The following TMEM272 variants were observed in gnomAD, a reference collection of about 807,000 sequenced individuals.
The protein encoded by TMEM272 is transmembrane protein 272.
Under a neutral mutation model 3.7 loss-of-function variants are expected in TMEM272, and 8 were observed. The observed-to-expected ratio is 2.17, with a 90% CI of 1.27 to 3.91. The LOEUF is 3.91. Among genes scored for constraint, TMEM272 ranks in the 30% most tolerant of loss-of-function variants. TMEM272 has a pLI of 0.00. For missense variants in TMEM272, 166 were observed against 91.5 expected (o/e 1.81, Z -3.32); for synonymous variants, 63 against 39.8 (o/e 1.58, Z -2.20).
At chr13:51,910,034 T>C in the TMEM272 span, 2 of 1,446,808 alleles carry the variant, frequency 1.4e-6, no homozygotes, top group Non-Finnish European at 1.9e-6. Context: ...TCATTTGAAA[T>C]CCCTTGAAGG....
chr13:51,854,670 T>A, the TMEM272 span, among the ~76,000 whole-genome samples: 1 of 152,234 alleles, frequency 6.6e-6, no homozygotes, highest in African/African-American at 2.4e-5. Flanking sequence ...TCTATGCACT[T>A]CCTTCTTCAT....
intron 2 of TMEM272, among the ~76,000 whole-genome samples, chr13:51,829,919 A>G (rs1956158810): frequency 6.6e-6 from 1 of 152,202 alleles, no homozygotes; most frequent in Non-Finnish European, 1.5e-5. Flanking sequence ...GTGGGAAACA[A>G]AAGCCCCACA....
At chr13:51,866,409 G>C in the TMEM272 span, among the ~76,000 whole-genome samples, 1 of 152,146 alleles carries the variant, frequency 6.6e-6, no homozygotes, top group Non-Finnish European at 1.5e-5. Flanking sequence ...GGGAGGAGAG[G>C]CTCGGGCCAT....
chr13:51,924,309 CT>C, the TMEM272 span, among the ~76,000 whole-genome samples: 1 of 152,210 alleles, frequency 6.6e-6, no homozygotes, highest in African/African-American at 2.4e-5. Flanking sequence ...AATCCCAACT[CT>C]TTGGGAGGCC....
the TMEM272 span, among the ~76,000 whole-genome samples, chr13:51,895,103 T>C: frequency 1.3e-4 from 20 of 152,294 alleles, no homozygotes; most frequent in African/African-American, 4.3e-4. Context: ...TATATACAGA[T>C]GAAGCTTCGC....
chr13:51,821,301 G>T (rs1956076483), intron 4 of TMEM272, among the ~76,000 whole-genome samples: 1 of 152,230 alleles, frequency 6.6e-6, no homozygotes, highest in Admixed American at 6.5e-5. Context: ...GGGAAGAGTT[G>T]TTGATAGACA....
intron 4 of TMEM272, among the ~76,000 whole-genome samples, chr13:51,819,686 C>G (rs1956062702): frequency 6.6e-6 from 1 of 152,168 alleles, no homozygotes; most frequent in Non-Finnish European, 1.5e-5. Flanking sequence ...AAGCAAGTAC[C>G]TGCCTCAAAG....
intron 1 of TMEM272, among the ~76,000 whole-genome samples, chr13:51,843,499 G>A (rs1396936853): frequency 6.6e-6 from 1 of 152,192 alleles, no homozygotes; most frequent in Non-Finnish European, 1.5e-5. Context: ...ATGGATTCAT[G>A]TCAATGCAAT....
At chr13:51,828,237 T>C (rs1025934635) in intron 2 of TMEM272, among the ~76,000 whole-genome samples, 1 of 152,234 alleles carries the variant, frequency 6.6e-6, no homozygotes, top group Non-Finnish European at 1.5e-5. Flanking sequence ...CAGAGCCCAC[T>C]GTACCTGGCT....
chr13:51,881,479 A>G, the TMEM272 span, among the ~76,000 whole-genome samples: 1 of 152,210 alleles, frequency 6.6e-6, no homozygotes, highest in African/African-American at 2.4e-5. Context: ...TAGGAGGAGT[A>G]AAAGCTTCAA....
At chr13:51,915,449 AAG>A in the TMEM272 span, among the ~76,000 whole-genome samples, 56 of 152,356 alleles carry the variant, frequency 3.7e-4, no homozygotes, top group Middle Eastern at 3.4e-3. Context: ...TGTTCCTGAC[AAG>A]AGAGACCTTT....
At chr13:51,925,606 T>C in the TMEM272 span, among the ~76,000 whole-genome samples, 1 of 152,114 alleles carries the variant, frequency 6.6e-6, no homozygotes, top group Non-Finnish European at 1.5e-5. Flanking sequence ...GTTACAGAGA[T>C]GCATAGAGAT....
At chr13:51,898,430 T>C in the TMEM272 span, among the ~76,000 whole-genome samples, 1 of 151,598 alleles carries the variant, frequency 6.6e-6, no homozygotes, top group African/African-American at 2.4e-5. Context: ...CTCCTTATAA[T>C]AGAGAGGATG....
At chr13:51,920,028 C>T in the TMEM272 span, among the ~76,000 whole-genome samples, 3 of 152,128 alleles carry the variant, frequency 2.0e-5, no homozygotes, top group South Asian at 4.1e-4. Flanking sequence ...CTAGGCAATA[C>T]GTGGAATTAT....
Position 51,838,459 on chromosome 13 carries a change from G to A in TMEM272, c.58+14C>T. 1 of 703,032 alleles carries A rather than the reference G, an allele frequency of 1.4e-6. No individual in the cohort carries two copies. The highest frequency in any genetic ancestry group is 2.6e-6 in the Non-Finnish European group (1 of 385,016). 43.5% of individuals were successfully genotyped at this position (703,032 alleles called of 1,614,324 possible). On this transcript the variant is annotated intron_variant, in intron 2 of 4. Coordinates refer to ENST00000629372, the MANE Select transcript of TMEM272 (RefSeq NM_001351003.2). ...TCCTACAAAACCAGGGCATTTCTCA[G>A]AGTTGTGACTCACCATTGCTGGCGA...
upstream of TMEM272, among the ~76,000 whole-genome samples, chr13:51,848,583 T>C (rs996117239): frequency 6.6e-6 from 1 of 152,174 alleles, no homozygotes. Context: ...ATAAAATCCA[T>C]GTATCCTATA....
the TMEM272 span, among the ~76,000 whole-genome samples, chr13:51,906,480 T>C: frequency 6.6e-6 from 1 of 152,194 alleles, no homozygotes; most frequent in African/African-American, 2.4e-5. Context: ...AGGAAGAACA[T>C]ATGAGAAAGT....
chr13:51,842,220 A>C (rs1008845810), intron 1 of TMEM272, among the ~76,000 whole-genome samples: 3 of 152,254 alleles, frequency 2.0e-5, no homozygotes, highest in African/African-American at 4.8e-5. Flanking sequence ...AATGTGCCGC[A>C]GGCAGGCGTG....
At chr13:51,909,971 T>G in the TMEM272 span, 230 of 1,589,620 alleles carry the variant, frequency 1.4e-4, no homozygotes, top group African/African-American at 1.8e-3. Context: ...TTTCCTGAAG[T>G]TGACAATTTT....
Sources: allele counts gnomAD v4.1 joint callset (sites outside exome capture counted in the v4.1 genomes callset), GRCh38; gene constraint gnomAD v4.1.1; transcripts MANE v1.5; gene names NCBI Gene and HGNC (gene_info 2026-07-23, HGNC 2026-07-21).